GNAT3: variants seen among roughly 807,000 people sequenced by gnomAD.
GNAT3 encodes the protein guanine nucleotide-binding protein G(t) subunit alpha-3.
Under a neutral mutation model 37.7 loss-of-function variants are expected in GNAT3, and 31 were observed. The observed-to-expected ratio is 0.82, with a 90% CI of 0.62 to 1.11. The LOEUF (loss-of-function observed/expected upper bound fraction) is 1.11. Ranked by LOEUF, GNAT3 falls within the 50% of genes most tolerant of loss-of-function variation. The pLI is 0.00. For missense variants in GNAT3, 437 were observed against 412.5 expected (o/e 1.06, Z -0.51); for synonymous variants, 138 against 139.8 (o/e 0.99, Z 0.09).
intron 5 of GNAT3, 35 bp downstream of exon 5, chr7:80,474,216 T>G (rs1329740294): frequency 3.1e-6 from 5 of 1,590,234 alleles, no homozygotes; most frequent in Non-Finnish European, 4.3e-6. Context: ...TGATGCATAC[T>G]TCTGTCTACA....
In GNAT3 at chr7:80,508,286, G is replaced by A. The variant is rs954620089; in HGVS notation, c.118+3523C>T. Among the ~76,000 whole-genome samples, 13 of 151,554 alleles carry A rather than the reference G, an allele frequency of 8.6e-5. No individual in the cohort carries two copies. The East Asian group carries it at 1.2e-3, about 14-fold the overall frequency. ...ATGGAAATTTGCAAAAAAAACAAAC[G>A]AAACTGATGCAGCAAAATAAACTCA... On this transcript the variant is annotated intron_variant, in intron 1 of 7. Coordinates refer to ENST00000398291, the MANE Select transcript of GNAT3 (RefSeq NM_001102386.3).
chr7:80,489,525 A>G (rs567632413), intron 2 of GNAT3, among the ~76,000 whole-genome samples: 2 of 152,192 alleles, frequency 1.3e-5, no homozygotes, highest in African/African-American at 2.4e-5. Flanking sequence ...AGGCTTTAGC[A>G]TGGGGGGAAA....
At chr7:80,492,062 G>T (rs560696509) in intron 2 of GNAT3, among the ~76,000 whole-genome samples, 7 of 152,120 alleles carry the variant, frequency 4.6e-5, no homozygotes, top group African/African-American at 1.7e-4. Flanking sequence ...GGGCACAGTG[G>T]CTCATGCCTG....
chr7:80,496,232 G>C (rs1326995754), intron 1 of GNAT3, among the ~76,000 whole-genome samples: 1 of 152,178 alleles, frequency 6.6e-6, no homozygotes, highest in East Asian at 1.9e-4. Context: ...CTGGGTTCAA[G>C]CGATTCTCCT....
At chr7:80,461,019 T>C (rs1790040096) in intron 7 of GNAT3, among the ~76,000 whole-genome samples, 1 of 106,902 alleles carries the variant, frequency 9.4e-6, no homozygotes, top group South Asian at 2.8e-4. Flanking sequence ...TTATATTTAA[T>C]TAGTAATCAA....
At chr7:80,470,196 A>G (rs1024234934) in intron 5 of GNAT3, among the ~76,000 whole-genome samples, 2 of 152,048 alleles carry the variant, frequency 1.3e-5, no homozygotes, top group Non-Finnish European at 2.9e-5. Context: ...AAGAGGTGGT[A>G]GTTGCACAGT....
At chr7:80,504,001 G>A (rs1790884234) in intron 1 of GNAT3, among the ~76,000 whole-genome samples, 1 of 152,138 alleles carries the variant, frequency 6.6e-6, no homozygotes, top group East Asian at 1.9e-4. Context: ...TAAAATTGAG[G>A]ACTGTTTAGT....
chr7:80,478,986 G>T lies in GNAT3; in HGVS notation c.316C>A (p.Gln106Lys). Residue 106 changes from glutamine (Q) to lysine (K), a missense_variant, in exon 4 of 8, where the codon CAA (glutamine) becomes AAA (lysine). Physicochemically the swap from Gln to Lys is moderately conservative, Grantham distance 53. Coordinates refer to ENST00000398291, the MANE Select transcript of GNAT3 (RefSeq NM_001102386.3). ...VNPRSAEDQRQLYAMANTLED... is the reference protein window; with the variant it reads ...VNPRSAEDQRKLYAMANTLED... ...AGGGTATTTGCCATTGCATAAAGTT[G>T]TCGTTGGTCCTCCTAGAACAATATT... is the stretch of plus-strand genomic sequence containing the variant. The T allele has an allele frequency of 6.2e-7, 1 of 1,607,564 alleles. No individual in the cohort carries two copies. Among genetic ancestry groups the T allele is most frequent in the Non-Finnish European group, 8.5e-7 (1 of 1,177,012 alleles).
chr7:80,510,747 CCA>C (rs1791050256), intron 1 of GNAT3, among the ~76,000 whole-genome samples: 1 of 152,064 alleles, frequency 6.6e-6, no homozygotes, highest in South Asian at 2.1e-4. Context: ...GCTGGGAATC[CCA>C]CAGTTGGCTT....
At chr7:80,477,102 A>C (rs1443177303) in intron 4 of GNAT3, among the ~76,000 whole-genome samples, 1 of 152,204 alleles carries the variant, frequency 6.6e-6, no homozygotes, top group East Asian at 1.9e-4. Flanking sequence ...AGATAGTCCC[A>C]GTGTAAAACA....
At chr7:80,483,617 T>G (rs1348549508) in intron 3 of GNAT3, among the ~76,000 whole-genome samples, 1 of 152,026 alleles carries the variant, frequency 6.6e-6, no homozygotes, top group Admixed American at 6.6e-5. Flanking sequence ...ATCCCCTCTT[T>G]CCCTCCTTTC....
chr7:80,484,417 C>G (rs1036349278), intron 3 of GNAT3, among the ~76,000 whole-genome samples: 2 of 152,080 alleles, frequency 1.3e-5, no homozygotes, highest in African/African-American at 4.8e-5. Flanking sequence ...CCAAACAAAT[C>G]TAATCACAGA....
At chr7:80,503,405 G>A (rs1413256354) in intron 1 of GNAT3, among the ~76,000 whole-genome samples, 1 of 152,182 alleles carries the variant, frequency 6.6e-6, no homozygotes, top group Non-Finnish European at 1.5e-5. Context: ...TTGCTTGGCT[G>A]TAAATAAACA....
chr7:80,484,056 G>A (rs1300441888), intron 3 of GNAT3, among the ~76,000 whole-genome samples: 1 of 151,998 alleles, frequency 6.6e-6, no homozygotes, highest in Non-Finnish European at 1.5e-5. Flanking sequence ...ATGTGCTATG[G>A]TGGTTTCCTG....
chr7:80,460,550 C>T (rs1005240642), intron 7 of GNAT3, among the ~76,000 whole-genome samples: 18 of 152,204 alleles, frequency 1.2e-4, no homozygotes, highest in African/African-American at 4.3e-4. Context: ...GAGTTCAAGA[C>T]CAGCCTGGCC....
chr7:80,492,940 A>G (rs1447402696), intron 2 of GNAT3, among the ~76,000 whole-genome samples: 2 of 151,982 alleles, frequency 1.3e-5, no homozygotes, highest in East Asian at 3.9e-4. Flanking sequence ...TATCTATTGA[A>G]TTTTGTCATT....
intron 5 of GNAT3, among the ~76,000 whole-genome samples, chr7:80,470,232 CTTTTTTTG>C (rs1790188394): frequency 6.9e-6 from 1 of 144,744 alleles, no homozygotes; most frequent in Non-Finnish European, 1.5e-5. Context: ...TTTTTTTTTT[CTTTTTTTG>C]AGACAGAGTC....
At chr7:80,497,522 G>A (rs73369078) in intron 1 of GNAT3, among the ~76,000 whole-genome samples, 20,934 of 147,704 alleles carry the variant, frequency 0.14, 1,997 homozygotes, top group African/African-American at 0.27. Context: ...AGAATATCTT[G>A]TTTCTCTCTC....
In GNAT3 at chr7:80,470,832, T is replaced by C. The variant is rs555385421; in HGVS notation, c.590+3419A>G. Among the ~76,000 whole-genome samples the C allele has an allele frequency of 3.3e-5, 5 of 152,038 alleles. No homozygotes were observed. The East Asian group carries it at 5.9e-4, about 18-fold the overall frequency. On this transcript the variant is annotated intron_variant, in intron 5 of 7. Coordinates refer to ENST00000398291, the MANE Select transcript of GNAT3 (RefSeq NM_001102386.3). The stretch of plus-strand genomic sequence containing the variant: ...AAAATTAATATTTTATTTTAAACAT[T>C]AATGCAAATGTTATATTCTACTCTG...
Sources: allele counts gnomAD v4.1 joint callset (sites outside exome capture counted in the v4.1 genomes callset), GRCh38; gene constraint gnomAD v4.1.1; transcripts MANE v1.5; gene names NCBI Gene and HGNC (gene_info 2026-07-23, HGNC 2026-07-21).